Variants in PRKAG2 observed in about 807,000 individuals in gnomAD.
The protein encoded by PRKAG2 is protein kinase AMP-activated non-catalytic subunit gamma 2, also known as 5'-AMP-activated protein kinase subunit gamma-2.
Under a neutral mutation model 69.6 loss-of-function variants are expected in PRKAG2, and 26 were observed. That is an observed-to-expected ratio of 0.37 (90% CI 0.27 to 0.52). The LOEUF (loss-of-function observed/expected upper bound fraction) is 0.52. Among genes scored for constraint, PRKAG2 ranks in the 20% least tolerant of loss-of-function variants. The pLI is 0.90. For synonymous variants in PRKAG2, 293 were observed against 285.0 expected, an observed-to-expected ratio of 1.03 and a Z score of -0.28; for missense variants, 557 against 740.0, an observed-to-expected ratio of 0.75 and a Z score of 2.87.
intron 11 of PRKAG2, among the ~76,000 whole-genome samples, chr7:151,566,920 T>C (rs1806389542): frequency 6.6e-6 from 1 of 152,218 alleles, no homozygotes; most frequent in Non-Finnish European, 1.5e-5. Context: ...TTTAGTTAGC[T>C]GAATATTCTG....
At position 151,781,414 on chromosome 7, in the gene PRKAG2, G is replaced by A. The variant is rs761181432; in HGVS notation, c.204C>T (p.Gly68=). Residue 68 remains glycine, a synonymous_variant, in exon 3 of 16, where the codon GGC becomes GGT. Transcript: ENST00000287878. The surrounding 1 kb of genome is among the most constrained non-coding windows in gnomAD (Gnocchi z 6.1). The part of the protein sequence containing the change: ...HSSRKVDSPF[G]PGSPSKGFFS... ...AGAACCCTTTGGAGGGGCTGCCCGG[G>A]CCGAAGGGGCTGTCCACCTGCAGAA... The A allele has an allele frequency of 6.2e-7, 1 of 1,608,420 alleles. No homozygotes were observed. Among genetic ancestry groups the A allele is most frequent in the Non-Finnish European group, 8.5e-7 (1 of 1,177,838 alleles).
chr7:151,595,945 G>C (rs1468661874), intron 5 of PRKAG2, among the ~76,000 whole-genome samples: 1 of 152,112 alleles, frequency 6.6e-6, no homozygotes, highest in Non-Finnish European at 1.5e-5. Flanking sequence ...TGAGGTGGAA[G>C]GGTCACTTGA....
chr7:151,868,776 G>T (rs2080141575), intron 1 of PRKAG2, among the ~76,000 whole-genome samples: 1 of 152,134 alleles, frequency 6.6e-6, no homozygotes, highest in Non-Finnish European at 1.5e-5. Flanking sequence ...AATGTAAAAA[G>T]GTGCCTAGAA....
intron 4 of PRKAG2, among the ~76,000 whole-genome samples, chr7:151,665,654 C>G (rs1444367734): frequency 6.6e-6 from 1 of 152,112 alleles, no homozygotes; most frequent in African/African-American, 2.4e-5. Flanking sequence ...TGAAATTTTT[C>G]CAAACTATTT....
intron 1 of PRKAG2, among the ~76,000 whole-genome samples, chr7:151,853,098 G>A (rs1046997118): frequency 8.5e-5 from 13 of 152,110 alleles, no homozygotes; most frequent in Non-Finnish European, 1.3e-4. Context: ...TGTGTCCCTC[G>A]GAGAGCTCGG....
At chr7:151,641,783 T>G (rs1201054545) in intron 4 of PRKAG2, among the ~76,000 whole-genome samples, 1 of 152,056 alleles carries the variant, frequency 6.6e-6, no homozygotes, top group Non-Finnish European at 1.5e-5. Flanking sequence ...AGCACTGGGA[T>G]TATAGGCATG....
At chr7:151,571,238 C>T (rs1158500643) in intron 9 of PRKAG2, among the ~76,000 whole-genome samples, 1 of 150,414 alleles carries the variant, frequency 6.6e-6, no homozygotes, top group African/African-American at 2.5e-5. Flanking sequence ...CGCCTGGCTA[C>T]TTTTTTGTAT....
At chr7:151,855,126 T>TGCTCCACACACACCGC in intron 1 of PRKAG2, among the ~76,000 whole-genome samples, 1 of 5,448 alleles carries the variant, frequency 1.8e-4, no homozygotes, top group South Asian at 3.9e-3. Flanking sequence ...ACACACACCA[T>TGCTCCACACACACCGC]CCTCCACACA....
chr7:151,714,842 C>G (rs1236670399), intron 3 of PRKAG2, among the ~76,000 whole-genome samples: 2 of 151,138 alleles, frequency 1.3e-5, no homozygotes, highest in African/African-American at 4.9e-5. Context: ...CCCAGCTACT[C>G]GGGAGGCTGA....
chr7:151,566,914 G>A (rs1367424841), intron 11 of PRKAG2, among the ~76,000 whole-genome samples: 1 of 152,126 alleles, frequency 6.6e-6, no homozygotes, highest in Non-Finnish European at 1.5e-5. Flanking sequence ...AAAACCTTTA[G>A]TTAGCTGAAT....
chr7:151,570,073 G>T, intron 10 of PRKAG2, 98 bp downstream of exon 10: 1 of 1,410,458 alleles, frequency 7.1e-7, no homozygotes, highest in South Asian at 1.2e-5. Context: ...GCCCTGTTTG[G>T]AATGAAGAAC....
In PRKAG2 at chr7:151,780,197, G is replaced by C. The variant is rs1160638853; in HGVS notation, c.466+955C>G. Among the ~76,000 whole-genome samples the C allele has an allele frequency of 6.6e-6, 1 of 152,234 alleles. No homozygotes were observed. Among genetic ancestry groups the C allele is most frequent in the Non-Finnish European group, 1.5e-5 (1 of 68,042 alleles). ...AAGTAGTGAGGCTGACAGAGACCTG[G>C]CTTCTCGTCCTACAGCCACTGCTGC... On this transcript the variant is annotated intron_variant, in intron 3 of 15. Transcript: ENST00000287878. The surrounding 1 kb of genome is among the most constrained non-coding windows in gnomAD (Gnocchi z 4.2).
chr7:151,594,137 C>G (rs1478054316), intron 6 of PRKAG2, among the ~76,000 whole-genome samples: 4 of 152,172 alleles, frequency 2.6e-5, no homozygotes, highest in Non-Finnish European at 5.9e-5. Context: ...CTCCAGGGCA[C>G]CTTTCAGCTG....
intron 6 of PRKAG2, among the ~76,000 whole-genome samples, chr7:151,588,307 TG>T (rs11296669): frequency 0.18 from 27,426 of 151,596 alleles, 2,879 homozygotes; most frequent in African/African-American, 0.29. Flanking sequence ...AACTGAATCA[TG>T]GGGGGGAGTC....
In PRKAG2 at chr7:151,771,148, T is replaced by C. The variant is rs771738225; in HGVS notation, c.466+10004A>G. 1.3e-5 allele frequency among the ~76,000 whole-genome samples: 2 copies of C among 152,246 alleles called. No homozygotes were observed. The highest frequency in any genetic ancestry group is 2.9e-5 in the Non-Finnish European group (2 of 68,034). On this transcript the variant is annotated intron_variant, in intron 3 of 15. Transcript: ENST00000287878. The surrounding 1 kb of genome is among the most constrained non-coding windows in gnomAD (Gnocchi z 4.0). Reference sequence around the variant, plus strand: ...CCTGATTTCTACTACTGTAAGAACATAGAAAGTAATCTCATTACATGCATG... The same window carrying C: ...CCTGATTTCTACTACTGTAAGAACACAGAAAGTAATCTCATTACATGCATG...
intron 4 of PRKAG2, among the ~76,000 whole-genome samples, chr7:151,668,309 C>T (rs1380797136): frequency 6.6e-6 from 1 of 152,184 alleles, no homozygotes; most frequent in Non-Finnish European, 1.5e-5. Context: ...TTGAGCTTTC[C>T]AGCCTCCAGA....
intron 1 of PRKAG2, among the ~76,000 whole-genome samples, chr7:151,792,108 T>C (rs2077294927): frequency 6.6e-6 from 1 of 152,190 alleles, no homozygotes; most frequent in South Asian, 2.1e-4. Context: ...AAAAACAATT[T>C]GGTATCAGAG....
At chr7:151,782,216 G>A (rs529267418) in intron 2 of PRKAG2, among the ~76,000 whole-genome samples, 129 of 151,852 alleles carry the variant, frequency 8.5e-4, no homozygotes, top group Non-Finnish European at 1.4e-3. Flanking sequence ...CCCGAAGGCG[G>A]AGGTTGCAGT....
chr7:151,680,252 T>A (rs1002893030), intron 3 of PRKAG2, among the ~76,000 whole-genome samples: 4 of 152,162 alleles, frequency 2.6e-5, no homozygotes, highest in Non-Finnish European at 5.9e-5. Flanking sequence ...CTGTACTAAG[T>A]GTCGGCTTAT....
Sources: allele counts gnomAD v4.1 joint callset (sites outside exome capture counted in the v4.1 genomes callset), GRCh38; gene constraint gnomAD v4.1.1; non-coding constraint Gnocchi (gnomAD v3.1); transcripts MANE v1.5; gene names NCBI Gene and HGNC (gene_info 2026-07-23, HGNC 2026-07-21).